HERC1: variants seen among roughly 807,000 people sequenced by gnomAD.
The protein encoded by HERC1 is HECT and RLD domain containing E3 ubiquitin protein ligase family member 1.
A neutral mutation model predicts 554.3 loss-of-function variants in HERC1; 160 were observed. The ratio of observed to expected loss-of-function variants is 0.29; its 90% confidence interval spans 0.25 to 0.33. The LOEUF is 0.33. Among genes scored for constraint, HERC1 ranks in the 10% least tolerant of loss-of-function variants. HERC1 has a pLI of 1.00. For synonymous variants in HERC1, 2,175 were observed against 2,131.7 expected (o/e 1.02, Z -0.56); for missense variants, 4,919 against 5,918.5 (o/e 0.83, Z 5.54).
intron 3 of HERC1, among the ~76,000 whole-genome samples, chr15:63,759,440 C>A (rs758152789): frequency 6.6e-6 from 1 of 152,200 alleles, no homozygotes; most frequent in Non-Finnish European, 1.5e-5. Flanking sequence ...GAGTGGCCAT[C>A]CCAGTACCAA....
At position 63,626,043 on chromosome 15, in the gene HERC1, T is replaced by A; in HGVS notation, c.13217A>T (p.His4406Leu). Residue 4406 changes from histidine (H) to leucine (L), a missense_variant, in exon 71 of 78, where the codon CAC becomes CTC. Coordinates refer to ENST00000443617, the MANE Select transcript of HERC1 (RefSeq NM_003922.4). ...GGATGAGTACATGAGGTCAGAGAAG[T>A]GGTAGAGCAGCCGGAGCCTGGCCCG... ...TVRARLRLLY[H>L]FSDLMYSSWR... is the part of the protein sequence containing the mutation. 6.2e-7 allele frequency: 1 copy of A among 1,612,604 alleles called. No individual in the cohort carries two copies. The highest frequency in any genetic ancestry group is 8.5e-7 in the Non-Finnish European group (1 of 1,179,366).
Position 63,680,673 on chromosome 15 carries a change from A to T in HERC1, c.6329T>A (p.Leu2110His). The T allele has an allele frequency of 6.2e-7, 1 of 1,613,880 alleles. No homozygotes were observed. The highest frequency in any genetic ancestry group is 8.5e-7 in the Non-Finnish European group (1 of 1,179,790). Reference protein sequence around the residue: ...FNHRTTSDMWLYRAYSGNLYH... With the variant: ...FNHRTTSDMWHYRAYSGNLYH... Reference sequence around the variant, plus strand: ...GAGGTTACCACTGTAGGCCCTATAGAGCCACATATCCGAGGTAGTGCGGTG... The same window carrying T: ...GAGGTTACCACTGTAGGCCCTATAGTGCCACATATCCGAGGTAGTGCGGTG... Residue 2110 changes from leucine to histidine, a missense_variant, in exon 35 of 78, where the codon CTC (leucine) becomes CAC (histidine). Physicochemically the swap from Leu to His is moderately conservative, Grantham distance 99 (BLOSUM62 -3). Transcript: ENST00000443617. The surrounding 1 kb of genome is among the most constrained non-coding windows in gnomAD (Gnocchi z 5.8).
At chr15:63,782,934 C>T (rs1203026154) in intron 1 of HERC1, among the ~76,000 whole-genome samples, 1 of 152,032 alleles carries the variant, frequency 6.6e-6, no homozygotes, top group African/African-American at 2.4e-5. Context: ...AAGTGGAGCC[C>T]GAAGATGTGA....
Position 63,677,477 on chromosome 15 carries a change from C to G in HERC1, c.7070+368G>C, listed in dbSNP as rs182120501. 1.1e-3 allele frequency among the ~76,000 whole-genome samples: 168 copies of G among 152,252 alleles called. 1 individual carries two copies. The highest frequency in any genetic ancestry group is 5.6e-4 in the Non-Finnish European group (38 of 68,004). The stretch of plus-strand genomic sequence containing the variant: ...CCTTGCTACCACAAAATGCAATGAA[C>G]AGATTAGCTGGCTGGCTTTTTACTA... On this transcript the variant is annotated intron_variant, in intron 37 of 77. Transcript: ENST00000443617. The surrounding 1 kb of genome is among the most constrained non-coding windows in gnomAD (Gnocchi z 4.4).
At chr15:63,684,116 T>C (rs1280676220) in intron 34 of HERC1, among the ~76,000 whole-genome samples, 2 of 152,212 alleles carry the variant, frequency 1.3e-5, no homozygotes, top group African/African-American at 4.8e-5. Flanking sequence ...GAGTGTGTTT[T>C]CTGGGGGCAA....
chr15:63,636,192 C>A, intron 64 of HERC1, 50 bp from the exon 65 acceptor site: 3 of 1,530,328 alleles, frequency 2.0e-6, no homozygotes, highest in Non-Finnish European at 2.7e-6. Context: ...TAAAACTCTC[C>A]TCTTTACTTG....
At chr15:63,822,946 TTTA>T (rs1274626853) in intron 1 of HERC1, among the ~76,000 whole-genome samples, 97 of 152,366 alleles carry the variant, frequency 6.4e-4, no homozygotes, top group African/African-American at 2.3e-3. Context: ...GGTCCTGCCA[TTTA>T]TTAATACTAA....
Position 63,789,829 on chromosome 15 carries a change from T to TAAATAAATAAAC in HERC1, c.-26-14181_-26-14180insGTTTATTTATTT, listed in dbSNP as rs1377883956. Reference sequence around the variant, plus strand: ...ATAAATAAATAAATAAATAAATAAATAAATAAATGTATTATATATTCTAGA... The same window carrying TAAATAAATAAAC: ...ATAAATAAATAAATAAATAAATAAATAAATAAATAAACAAATAAATGTATTATATATTCTAGA... On this transcript the variant is annotated intron_variant, in intron 1 of 77. Coordinates refer to ENST00000443617, the MANE Select transcript of HERC1 (RefSeq NM_003922.4). Among the ~76,000 whole-genome samples, 285 of 150,614 alleles carry TAAATAAATAAAC rather than the reference T, an allele frequency of 1.9e-3. 1 individual carries two copies. The highest frequency in any genetic ancestry group is 3.2e-3 in the Non-Finnish European group (216 of 67,628).
intron 1 of HERC1, among the ~76,000 whole-genome samples, chr15:63,782,546 T>G (rs1416172902): frequency 2.0e-5 from 3 of 152,228 alleles, no homozygotes; most frequent in Non-Finnish European, 1.5e-5. Context: ...AGAGCTCTAC[T>G]GGAGATGTAC....
Position 63,829,479 on chromosome 15 carries a change from A to AATATAT in HERC1, c.-27+4342_-27+4347dup, listed in dbSNP as rs759570400. Among the ~76,000 whole-genome samples the AATATAT allele has an allele frequency of 3.3e-3, 285 of 87,588 alleles. 3 individuals are homozygous for AATATAT. The highest frequency in any genetic ancestry group is 0.015 in the African/African-American group (275 of 17,844). 57.5% of individuals were successfully genotyped at this position (87,588 alleles called of 152,430 possible). A position where few individuals can be genotyped will look rare whatever the true frequency, so the allele number is the denominator to read the frequency against. Reference sequence around the variant, plus strand: ...GTGTGTGCACATATATGTTTATATAAATATATATATATATATATATACACA... The same window carrying AATATAT: ...GTGTGTGCACATATATGTTTATATAAATATATATATATATATATATATATATACACA... On this transcript the variant is annotated intron_variant, in intron 1 of 77. Transcript: ENST00000443617.
At chr15:63,814,484 C>G (rs1409200940) in intron 1 of HERC1, among the ~76,000 whole-genome samples, 1 of 152,032 alleles carries the variant, frequency 6.6e-6, no homozygotes, top group East Asian at 1.9e-4. Flanking sequence ...TTTTGAGATA[C>G]AGTCTGGCTC....
rs752505216 is a variant in HERC1, at chr15:63,694,266, A to G, written c.5480+46T>C. ...GAAAGGGGGAATTCTAAAATGGAGGAAGACCAGACTTCATACAGTTCTACA... is the reference window on the plus strand; with the variant it reads ...GAAAGGGGGAATTCTAAAATGGAGGGAGACCAGACTTCATACAGTTCTACA... On this transcript the variant is annotated intron_variant, in intron 29 of 77. Transcript: ENST00000443617. The surrounding 1 kb of genome is among the most constrained non-coding windows in gnomAD (Gnocchi z 4.3). 1.5e-5 allele frequency: 23 copies of G among 1,577,848 alleles called. No homozygotes were observed. In the South Asian group the frequency reaches 2.5e-4, roughly 17 times the overall value.
intron 12 of HERC1, among the ~76,000 whole-genome samples, chr15:63,740,550 G>A (rs1276397265): frequency 6.6e-6 from 1 of 152,226 alleles, no homozygotes; most frequent in African/African-American, 2.4e-5. Flanking sequence ...TGCAATGCAT[G>A]AAGGTTCTAA....
intron 34 of HERC1, among the ~76,000 whole-genome samples, chr15:63,681,270 T>C (rs2071464252): frequency 6.6e-6 from 1 of 152,158 alleles, no homozygotes; most frequent in Non-Finnish European, 1.5e-5. Context: ...AGCATGATCA[T>C]GGCTCACTGA....
chr15:63,686,636 T>C, intron 33 of HERC1, 101 bp from the exon 34 acceptor site: 1 of 934,970 alleles, frequency 1.1e-6, no homozygotes, highest in Non-Finnish European at 1.6e-6. Flanking sequence ...ATTTATTATG[T>C]ATCTACTATG....
In HERC1 at chr15:63,694,715, C is replaced by A; in HGVS notation, c.5242+59G>T. The A allele has an allele frequency of 1.9e-6, 3 of 1,606,696 alleles. No individual in the cohort carries two copies. The highest frequency in any genetic ancestry group is 2.6e-6 in the Non-Finnish European group (3 of 1,173,364). On this transcript the variant is annotated intron_variant, in intron 28 of 77. Transcript: ENST00000443617. This position sits in a 1 kb window ranked among gnomAD's most constrained non-coding sequence, Gnocchi z 4.3. The stretch of plus-strand genomic sequence containing the variant: ...CACAAAATATAGAACATAACTAGTA[C>A]CATAACCTCGGGCTAAAATGTAACC...
At chr15:63,707,994 A>G (rs1411964042) in intron 24 of HERC1, among the ~76,000 whole-genome samples, 3 of 152,096 alleles carry the variant, frequency 2.0e-5, no homozygotes, top group South Asian at 4.2e-4. Context: ...AATGTTATAT[A>G]AAATCTTTAC....
rs974636172 is a variant in HERC1 at position 63,664,161 on chromosome 15, G to A, written c.8680+309C>T. Among the ~76,000 whole-genome samples, 3 of 152,242 alleles carry A rather than the reference G, an allele frequency of 2.0e-5. No homozygotes were observed. The South Asian group carries it at 6.2e-4, about 32-fold the overall frequency. On this transcript the variant is annotated intron_variant, in intron 43 of 77. Transcript: ENST00000443617. The stretch of plus-strand genomic sequence containing the variant: ...ACCACTGATGCTAAACATTAAACAT[G>A]CATCATCACTTCTTAAATTATAATT...
intron 69 of HERC1, among the ~76,000 whole-genome samples, chr15:63,630,251 C>T (rs922733244): frequency 4.6e-5 from 7 of 152,134 alleles, no homozygotes; most frequent in Admixed American, 4.6e-4. Flanking sequence ...TGCTGTACTA[C>T]CAGAATTGTT....
Sources: allele counts gnomAD v4.1 joint callset (sites outside exome capture counted in the v4.1 genomes callset), GRCh38; gene constraint gnomAD v4.1.1; non-coding constraint Gnocchi (gnomAD v3.1); transcripts MANE v1.5; gene names NCBI Gene and HGNC (gene_info 2026-07-23, HGNC 2026-07-21).